MSRA: variants seen among roughly 807,000 people sequenced by gnomAD.
MSRA encodes the protein methionine sulfoxide reductase A.
MSRA carries 54 observed loss-of-function variants against 31.3 expected under a neutral mutation model. The observed-to-expected ratio is 1.73, with a 90% CI of 1.39 to 2.17. MSRA has a LOEUF of 2.17. Among genes scored for constraint, MSRA ranks in the 30% most tolerant of loss-of-function variants. MSRA has a pLI of 0.00. For missense variants in MSRA, 507 were observed against 300.9 expected, an observed-to-expected ratio of 1.69 and a Z score of -5.07; for synonymous variants, 169 against 116.5, an observed-to-expected ratio of 1.45 and a Z score of -2.90.
intron 5 of MSRA, among the ~76,000 whole-genome samples, chr8:10,332,718 G>A (rs1415950759): frequency 6.6e-6 from 1 of 152,202 alleles, no homozygotes; most frequent in Non-Finnish European, 1.5e-5. Flanking sequence ...TAGACTCCCT[G>A]TGTATGAGTA....
chr8:10,348,744 C>T (rs1424610300), intron 5 of MSRA, among the ~76,000 whole-genome samples: 2 of 152,244 alleles, frequency 1.3e-5, no homozygotes, highest in East Asian at 1.9e-4. Flanking sequence ...CATTAAAACT[C>T]GGCAGTTACA....
chr8:10,326,867 G>A (rs954494499), intron 5 of MSRA, among the ~76,000 whole-genome samples: 9 of 152,206 alleles, frequency 5.9e-5, no homozygotes, highest in Non-Finnish European at 1.3e-4. Flanking sequence ...GTGGCCTCCG[G>A]TAGAGTGAGG....
rs553023257 is a variant in MSRA at position 10,280,575 on chromosome 8, G to A, written c.332-20959G>A. On this transcript the variant is annotated intron_variant, in intron 3 of 5. Coordinates refer to ENST00000317173, the MANE Select transcript of MSRA (RefSeq NM_012331.5). ...ACCCTCATACACTGCTGGTATGAAG[G>A]GAAAATCGTGTAGTCACTTTGGAAA... Among the ~76,000 whole-genome samples the A allele has an allele frequency of 1.3e-4, 20 of 152,292 alleles. No individual in the cohort carries two copies. In the South Asian group the frequency reaches 4.1e-3, roughly 32 times the overall value.
rs539232673 is a variant in MSRA, at chr8:10,188,749, T to C, written c.143-19084T>C. On this transcript the variant is annotated intron_variant, in intron 1 of 5. Transcript: ENST00000317173. ...CTGTTCCACTCATTTGTAGAACTTATGCCATTACCACACTGTCTTGATTAC... is the reference window on the plus strand; with the variant it reads ...CTGTTCCACTCATTTGTAGAACTTACGCCATTACCACACTGTCTTGATTAC... Among the ~76,000 whole-genome samples, 11 of 152,370 alleles carry C rather than the reference T, an allele frequency of 7.2e-5. No individual in the cohort carries two copies. The East Asian group carries it at 1.7e-3, about 24-fold the overall frequency.
chr8:10,375,800 C>T (rs965271665), intron 5 of MSRA, among the ~76,000 whole-genome samples: 1 of 152,174 alleles, frequency 6.6e-6, no homozygotes, highest in African/African-American at 2.4e-5. Flanking sequence ...TGGTCATGGT[C>T]ATTTCTTTTC....
chr8:10,074,114 G>T (rs543033724), intron 1 of MSRA, among the ~76,000 whole-genome samples: 1 of 103,720 alleles, frequency 9.6e-6, no homozygotes, highest in Admixed American at 1.5e-4. Context: ...ATGGAGTCTC[G>T]CTCTGTCCCC....
At chr8:10,294,715 A>C (rs183598927) in intron 3 of MSRA, among the ~76,000 whole-genome samples, 3 of 152,134 alleles carry the variant, frequency 2.0e-5, no homozygotes, top group African/African-American at 7.2e-5. Flanking sequence ...CTGTCATTGC[A>C]CTGCGGGCTA....
chr8:10,191,002 G>A (rs1437960660), intron 1 of MSRA, among the ~76,000 whole-genome samples: 11 of 152,184 alleles, frequency 7.2e-5, no homozygotes, highest in Non-Finnish European at 1.5e-5. Flanking sequence ...TCTCATGACC[G>A]TGAGCAGAGA....
intron 5 of MSRA, among the ~76,000 whole-genome samples, chr8:10,421,724 G>A (rs370059568): frequency 6.6e-5 from 10 of 152,160 alleles, no homozygotes; most frequent in African/African-American, 1.4e-4. Flanking sequence ...GCTGCTTTTC[G>A]TGCATCTGTG....
chr8:10,135,375 G>T (rs1277978070), intron 1 of MSRA, among the ~76,000 whole-genome samples: 3 of 152,186 alleles, frequency 2.0e-5, no homozygotes, highest in African/African-American at 7.2e-5. Context: ...AGTTTTGCCA[G>T]TTCCATTCTA....
chr8:10,074,227 C>T (rs893480207), intron 1 of MSRA, among the ~76,000 whole-genome samples: 3 of 151,558 alleles, frequency 2.0e-5, no homozygotes, highest in Admixed American at 1.3e-4. Flanking sequence ...GGACTACATG[C>T]ACCCGCCACC....
At chr8:10,271,482 G>T (rs560194333) in intron 3 of MSRA, among the ~76,000 whole-genome samples, 6 of 152,382 alleles carry the variant, frequency 3.9e-5, no homozygotes, top group East Asian at 1.9e-4. Context: ...CTTTTTTAGG[G>T]TGACAATAAT....
chr8:10,373,109 T>C (rs1234153129), intron 5 of MSRA, among the ~76,000 whole-genome samples: 2 of 152,218 alleles, frequency 1.3e-5, no homozygotes, highest in Admixed American at 1.3e-4. Context: ...CAGGCTGGTC[T>C]CAAACTCCTG....
At position 10,161,926 on chromosome 8, in the gene MSRA, T is replaced by C. The variant is rs116862600; in HGVS notation, c.143-45907T>C. ...GGAATACACCACTTGTTTTGCCCACTTGTTACAGGGTGGTCCGGAGGTCTG... is the reference window on the plus strand; with the variant it reads ...GGAATACACCACTTGTTTTGCCCACCTGTTACAGGGTGGTCCGGAGGTCTG... On this transcript the variant is annotated intron_variant, in intron 1 of 5. Transcript: ENST00000317173. Among the ~76,000 whole-genome samples, 21 of 152,304 alleles carry C rather than the reference T, an allele frequency of 1.4e-4. No homozygotes were observed. The East Asian group carries it at 3.9e-3, about 28-fold the overall frequency.
intron 1 of MSRA, among the ~76,000 whole-genome samples, chr8:10,166,691 C>T (rs1805156215): frequency 6.6e-6 from 1 of 152,204 alleles, no homozygotes; most frequent in South Asian, 2.1e-4. Context: ...CCCAAGCTCA[C>T]TCATTCACTT....
At chr8:10,194,602 G>A (rs1458560895) in intron 1 of MSRA, among the ~76,000 whole-genome samples, 1 of 152,184 alleles carries the variant, frequency 6.6e-6, no homozygotes, top group Non-Finnish European at 1.5e-5. Context: ...TCTGGGGACT[G>A]CAGCCCAATT....
intron 4 of MSRA, among the ~76,000 whole-genome samples, chr8:10,302,180 T>C (rs943950918): frequency 2.0e-4 from 31 of 152,248 alleles, no homozygotes; most frequent in African/African-American, 7.0e-4. Flanking sequence ...ATTTGTTATG[T>C]GGAGATATTA....
At chr8:10,072,594 C>G (rs532924970) in intron 1 of MSRA, among the ~76,000 whole-genome samples, 1 of 152,062 alleles carries the variant, frequency 6.6e-6, no homozygotes, top group African/African-American at 2.4e-5. Context: ...AAGGTCTGTC[C>G]CACTCCATAT....
At chr8:10,248,466 C>T (rs912642173) in intron 3 of MSRA, among the ~76,000 whole-genome samples, 4 of 152,126 alleles carry the variant, frequency 2.6e-5, no homozygotes, top group Non-Finnish European at 4.4e-5. Flanking sequence ...AGCATTATCT[C>T]AGCACACAGG....
Sources: gnomAD v4.1 joint callset for allele counts (sites outside exome capture counted in the v4.1 genomes callset) on GRCh38, gnomAD v4.1.1 for gene constraint, MANE v1.5 for transcripts, NCBI Gene and HGNC (gene_info 2026-07-23, HGNC 2026-07-21) for gene names.